GALNT16: variants seen among roughly 807,000 people sequenced by gnomAD.
GALNT16 encodes UDP-GalNAc:polypeptide N-acetylgalactosaminyltransferase-like protein 1.
Under a neutral mutation model 76.1 loss-of-function variants are expected in GALNT16, and 40 were observed. That is an observed-to-expected ratio of 0.53 (90% confidence interval 0.41 to 0.68). GALNT16 has a LOEUF of 0.68. GALNT16 is among the 30% of genes least tolerant of loss of function. The pLI, the probability that GALNT16 is intolerant of heterozygous loss-of-function variation, is 0.00. For synonymous variants in GALNT16, 276 were observed against 285.2 expected, an observed-to-expected ratio of 0.97 and a Z score of 0.32; for missense variants, 621 against 731.9, an observed-to-expected ratio of 0.85 and a Z score of 1.75.
At position 69,261,250 on chromosome 14, in the gene GALNT16, TGG is replaced by T. The variant is rs2044266976; in HGVS notation, c.177+786_177+787del. On this transcript the variant is annotated intron_variant, in intron 1 of 14. Transcript: ENST00000448469. The surrounding 1 kb of genome is among the most constrained non-coding windows in gnomAD (Gnocchi z 6.4). ...GGGGCTGCGGGGGCCCTTGGCGCTC[TGG>T]GGACCCGGGCGGGGGCGTGCGGAGC... Among the ~76,000 whole-genome samples the T allele has an allele frequency of 6.6e-6, 1 of 151,538 alleles. No homozygotes were observed. The highest frequency in any genetic ancestry group is 1.5e-5 in the Non-Finnish European group (1 of 67,842).
chr14:69,277,867 A>C (rs1594815430), intron 1 of GALNT16, among the ~76,000 whole-genome samples: 1 of 152,326 alleles, frequency 6.6e-6, no homozygotes, highest in African/African-American at 2.4e-5. Flanking sequence ...CTATTTCTCC[A>C]CATCCTCTCC....
At chr14:69,326,062 C>T in intron 5 of GALNT16, 35 bp downstream of exon 5, 1 of 1,518,544 alleles carries the variant, frequency 6.6e-7, no homozygotes, top group Non-Finnish European at 9.1e-7. Context: ...ACCAAGGGCC[C>T]ATCTTGGTGT....
chr14:69,296,031 G>A (rs1303076007), intron 1 of GALNT16, among the ~76,000 whole-genome samples: 1 of 152,182 alleles, frequency 6.6e-6, no homozygotes, highest in Non-Finnish European at 1.5e-5. Context: ...ATAAAGAAAA[G>A]AGGTTTCACT....
chr14:69,318,292 G>A (rs147205309), intron 1 of GALNT16, among the ~76,000 whole-genome samples: 146 of 152,218 alleles, frequency 9.6e-4, no homozygotes, highest in African/African-American at 3.3e-3. Flanking sequence ...ACTCAATTTC[G>A]AGGCCTTGGG....
chr14:69,337,812 C>T (rs1272287356), intron 9 of GALNT16, among the ~76,000 whole-genome samples: 2 of 152,168 alleles, frequency 1.3e-5, no homozygotes, highest in African/African-American at 4.8e-5. Flanking sequence ...TGGGAGGGTC[C>T]TGACCAGCTA....
intron 1 of GALNT16, among the ~76,000 whole-genome samples, chr14:69,320,216 C>G (rs976407085): frequency 6.6e-6 from 1 of 152,186 alleles, no homozygotes; most frequent in Admixed American, 6.5e-5. Context: ...TCTTGATGGC[C>G]GGGCGCGGTG....
intron 1 of GALNT16, among the ~76,000 whole-genome samples, chr14:69,290,473 G>A (rs1243204213): frequency 2.0e-5 from 3 of 152,252 alleles, no homozygotes; most frequent in Non-Finnish European, 4.4e-5. Context: ...TGGTGCCTCT[G>A]CAGAGGAGCT....
chr14:69,297,183 T>A (rs2044779284), intron 1 of GALNT16, among the ~76,000 whole-genome samples: 1 of 152,242 alleles, frequency 6.6e-6, no homozygotes, highest in Non-Finnish European at 1.5e-5. Context: ...TGAGAGAGTA[T>A]GTCCATTTGT....
At position 69,283,444 on chromosome 14, in the gene GALNT16, T is replaced by G. The variant is rs568804644; in HGVS notation, c.177+22977T>G. Among the ~76,000 whole-genome samples, 26 of 152,310 alleles carry G rather than the reference T, an allele frequency of 1.7e-4. No homozygotes were observed. The East Asian group carries it at 4.2e-3, about 25-fold the overall frequency. ...TAGTCTGCATCACCCATGTTGTGGT[T>G]GCTAGGATAATGGTTTGTCTACCAG... On this transcript the variant is annotated intron_variant, in intron 1 of 14. Transcript: ENST00000448469.
At chr14:69,356,359 G>A (rs2045692489), downstream of GALNT16, 1 of 152,216 alleles carries the variant, frequency 6.6e-6, no homozygotes, top group Admixed American at 6.5e-5. Context: ...TTCAAGCCAG[G>A]CGCAGTGGCT....
At chr14:69,385,344 A>C in the GALNT16 span, among the ~76,000 whole-genome samples, 1 of 152,090 alleles carries the variant, frequency 6.6e-6, no homozygotes, top group African/African-American at 2.4e-5. Flanking sequence ...TTCCTAGCTT[A>C]TTTCTTACTT....
chr14:69,337,192 G>A (rs984213149), intron 9 of GALNT16, among the ~76,000 whole-genome samples: 7 of 152,160 alleles, frequency 4.6e-5, no homozygotes, highest in Admixed American at 2.0e-4. Flanking sequence ...TGACAGTGTG[G>A]CTTGCTGGAC....
rs527312932 is a variant in GALNT16, at chr14:69,327,921, C to G, written c.569-529C>G. On this transcript the variant is annotated intron_variant, in intron 5 of 14. Coordinates refer to ENST00000448469, the MANE Select transcript of GALNT16 (RefSeq NM_001168368.2). Reference sequence around the variant, plus strand: ...TCCCTGTCGTCTTGTTTGATCCTGACAGTCAGGGATTATTATCTCTCTGAA... The same window carrying G: ...TCCCTGTCGTCTTGTTTGATCCTGAGAGTCAGGGATTATTATCTCTCTGAA... Among the ~76,000 whole-genome samples the G allele has an allele frequency of 2.0e-5, 3 of 152,308 alleles. No individual in the cohort carries two copies. The South Asian group carries it at 6.2e-4, about 32-fold the overall frequency.
intron 1 of GALNT16, among the ~76,000 whole-genome samples, chr14:69,284,464 T>A (rs1054200716): frequency 6.6e-6 from 1 of 152,088 alleles, no homozygotes; most frequent in Non-Finnish European, 1.5e-5. Context: ...CCAGGAGGCT[T>A]TTACACGTGG....
At chr14:69,384,344 G>A in the GALNT16 span, among the ~76,000 whole-genome samples, 11 of 152,184 alleles carry the variant, frequency 7.2e-5, no homozygotes, top group Non-Finnish European at 1.5e-5. Flanking sequence ...AGATTTGTCT[G>A]AATTTTACAA....
chr14:69,360,865 G>A (rs760621959), downstream of GALNT16, among the ~76,000 whole-genome samples: 21 of 152,310 alleles, frequency 1.4e-4, no homozygotes, highest in Non-Finnish European at 2.9e-4. Flanking sequence ...GTCCCCTGAC[G>A]GGGCCACGTG....
intron 14 of GALNT16, 21 bp downstream of exon 14, chr14:69,348,023 C>A: frequency 1.2e-6 from 2 of 1,612,516 alleles, no homozygotes; most frequent in Non-Finnish European, 1.7e-6. Context: ...TTGCCTCTGG[C>A]CCAGAGGCCC....
At chr14:69,334,636 G>A (rs2045394769) in intron 9 of GALNT16, among the ~76,000 whole-genome samples, 1 of 152,192 alleles carries the variant, frequency 6.6e-6, no homozygotes, top group African/African-American at 2.4e-5. Flanking sequence ...TGAAAGACAG[G>A]GTGAGGGAGC....
At chr14:69,339,471 C>T (rs1344517562) in intron 10 of GALNT16, 56 bp from the exon 11 acceptor site, 2 of 1,009,882 alleles carry the variant, frequency 2.0e-6, no homozygotes, top group African/African-American at 1.6e-5. Context: ...TTGATCCTGA[C>T]CGCTAACCCT....
Sources: allele counts gnomAD v4.1 joint callset (sites outside exome capture counted in the v4.1 genomes callset), GRCh38; gene constraint gnomAD v4.1.1; non-coding constraint Gnocchi (gnomAD v3.1); transcripts MANE v1.5; gene names NCBI Gene and HGNC (gene_info 2026-07-23, HGNC 2026-07-21).